The following CDKL1 variants were observed in gnomAD, a reference collection of about 807,000 sequenced individuals.
CDKL1 encodes cyclin-dependent kinase-like 1.
A neutral mutation model predicts 42.0 loss-of-function variants in CDKL1; 41 were observed. That is an observed-to-expected ratio of 0.98 (90% CI 0.76 to 1.27). CDKL1 has a LOEUF of 1.27. Among genes scored for constraint, CDKL1 ranks in the 50% most tolerant of loss-of-function variants. CDKL1 has a pLI of 0.00. For synonymous variants in CDKL1, 153 were observed against 158.6 expected (o/e 0.96, Z 0.26); for missense variants, 394 against 428.4 (o/e 0.92, Z 0.71).
chr14:50,348,812 A>G (rs551628502), intron 3 of CDKL1, among the ~76,000 whole-genome samples: 1 of 152,286 alleles, frequency 6.6e-6, no homozygotes, highest in South Asian at 2.1e-4. Context: ...AAGAAACAGA[A>G]ATTATGGAGG....
intron 2 of CDKL1, among the ~76,000 whole-genome samples, chr14:50,370,814 G>A (rs951382294): frequency 3.3e-5 from 5 of 152,248 alleles, no homozygotes; most frequent in African/African-American, 9.6e-5. Context: ...CAGATCTCAC[G>A]AGAACTCACT....
intron 6 of CDKL1, among the ~76,000 whole-genome samples, chr14:50,339,367 A>T (rs2033425093): frequency 3.3e-5 from 5 of 152,212 alleles, no homozygotes; most frequent in African/African-American, 1.2e-4. Context: ...AATGCCTTTT[A>T]AAAAACAGCA....
intron 2 of CDKL1, among the ~76,000 whole-genome samples, chr14:50,387,206 T>TTA (rs565139254): frequency 2.5e-5 from 2 of 80,872 alleles, no homozygotes; most frequent in Non-Finnish European, 4.6e-5. Flanking sequence ...GACCCTGTCT[T>TTA]AAAAAAAAAA....
rs920491986 is a variant in CDKL1, at chr14:50,327,843, T to A, written c.*2231A>T. ...TAGAAAAATGAATTTTCGTTGTGTT[T>A]AACAATGTTGTGTTTAACAGCTTAT... On this transcript the variant is annotated 3_prime_UTR_variant, in exon 10 of 10. Transcript: ENST00000395834. 1 of 152,222 alleles carries A rather than the reference T, an allele frequency of 6.6e-6. No individual in the cohort carries two copies. The highest frequency in any genetic ancestry group is 2.4e-5 in the African/African-American group (1 of 41,452). The allele number at this position is 152,222 out of a possible 1,614,324, so 9.4% of individuals were successfully genotyped here.
At chr14:50,394,931 A>G (rs4898656) in intron 2 of CDKL1, among the ~76,000 whole-genome samples, 106,909 of 152,052 alleles carry the variant, frequency 0.7, 37,898 homozygotes, top group African/African-American at 0.79. Flanking sequence ...AAGGCCAGGA[A>G]CTCGAGACCA....
At chr14:50,356,440 C>A (rs556426007) in intron 3 of CDKL1, among the ~76,000 whole-genome samples, 11 of 151,986 alleles carry the variant, frequency 7.2e-5, no homozygotes, top group Non-Finnish European at 1.2e-4. Flanking sequence ...AGTTTTCATA[C>A]GATGATAGAC....
intron 8 of CDKL1, chr14:50,334,327 T>C: frequency 2.8e-6 from 1 of 355,320 alleles, no homozygotes; most frequent in Non-Finnish European, 5.1e-6. Flanking sequence ...TAATTTTTTT[T>C]ATTTTTAGTA....
upstream of CDKL1, chr14:50,397,075 T>C (rs2035436255): frequency 1.5e-6 from 2 of 1,340,750 alleles, no homozygotes; most frequent in South Asian, 2.4e-5. Context: ...CGAGTCCTGC[T>C]GCCGGGAGAG....
chr14:50,352,600 A>T (rs894473024), intron 3 of CDKL1, among the ~76,000 whole-genome samples: 1 of 152,176 alleles, frequency 6.6e-6, no homozygotes, highest in African/African-American at 2.4e-5. Context: ...AAAAATTATA[A>T]TGCAACATAT....
chr14:50,386,225 A>G (rs1161807127), intron 2 of CDKL1, among the ~76,000 whole-genome samples: 4 of 152,142 alleles, frequency 2.6e-5, no homozygotes, highest in Admixed American at 2.6e-4. Flanking sequence ...TGAGGCTGGG[A>G]GTTTGAGACC....
At chr14:50,390,356 C>T in intron 2 of CDKL1, 1 of 1,366,190 alleles carries the variant, frequency 7.3e-7, no homozygotes, top group Non-Finnish European at 9.8e-7. Context: ...CTAGGAGCAT[C>T]TACTTTTTCT....
chr14:50,332,038 C>T, intron 9 of CDKL1: 1 of 1,539,980 alleles, frequency 6.5e-7, no homozygotes, highest in Non-Finnish European at 8.7e-7. Flanking sequence ...AACCCTGGCC[C>T]CTGTGTGGCA....
chr14:50,357,830 TC>T lies in CDKL1; in HGVS notation c.290+1197del, dbSNP rs2034101552. Among the ~76,000 whole-genome samples the T allele has an allele frequency of 2.0e-5, 3 of 152,200 alleles. 1 individual carries two copies. In the South Asian group the frequency reaches 6.2e-4, roughly 32 times the overall value. On this transcript the variant is annotated intron_variant, in intron 3 of 9. Coordinates refer to ENST00000395834, the MANE Select transcript of CDKL1 (RefSeq NM_004196.7). ...GGCCATGCTTTCTATTTTGTACTTT[TC>T]CCTTCCAAACTTCCAGCCCATGCCA...
intron 2 of CDKL1, among the ~76,000 whole-genome samples, chr14:50,387,039 A>AG (rs59669041): frequency 2.7e-5 from 4 of 149,502 alleles, no homozygotes; most frequent in South Asian, 2.1e-4. Flanking sequence ...AAAGAAAAAA[A>AG]AAAAAAGAAT....
At chr14:50,336,648 G>A (rs192000742) in intron 7 of CDKL1, among the ~76,000 whole-genome samples, 1 of 152,248 alleles carries the variant, frequency 6.6e-6, no homozygotes, top group East Asian at 1.9e-4. Flanking sequence ...AGAAACTGGA[G>A]GGTTAGTTTC....
chr14:50,394,560 T>C (rs1215687604), intron 2 of CDKL1, among the ~76,000 whole-genome samples: 2 of 152,180 alleles, frequency 1.3e-5, no homozygotes, highest in Non-Finnish European at 2.9e-5. Flanking sequence ...GCAAGAATAA[T>C]AGTAAATCCC....
chr14:50,371,731 C>G (rs997220128), intron 2 of CDKL1, among the ~76,000 whole-genome samples: 1 of 152,216 alleles, frequency 6.6e-6, no homozygotes, highest in South Asian at 2.1e-4. Context: ...GCCCCACCCT[C>G]CCAGGCAGCT....
At chr14:50,362,083 T>C in intron 2 of CDKL1, 2 of 244,914 alleles carry the variant, frequency 8.2e-6, no homozygotes, top group South Asian at 6.7e-5. Flanking sequence ...GCAGCTGCTG[T>C]GCTCGACTTC....
At position 50,332,116 on chromosome 14, in the gene CDKL1, C is replaced by T. The variant is rs779067438; in HGVS notation, c.966+146G>A. ...AGGGGGCTTCAGGAGACAGATGTCC[C>T]TGGGGCCCTGGTTGATAGATCCTAT... On this transcript the variant is annotated intron_variant, in intron 9 of 9. Transcript: ENST00000395834. The T allele has an allele frequency of 1.1e-5, 17 of 1,603,194 alleles. No homozygotes were observed. The South Asian group carries it at 1.9e-4, about 18-fold the overall frequency.
Sources: gnomAD v4.1 joint callset for allele counts (sites outside exome capture counted in the v4.1 genomes callset) on GRCh38, gnomAD v4.1.1 for gene constraint, MANE v1.5 for transcripts, NCBI Gene and HGNC (gene_info 2026-07-23, HGNC 2026-07-21) for gene names.